The following KIF2A variants were observed in gnomAD, a reference collection of about 807,000 sequenced individuals.
KIF2A encodes the protein kinesin family member 2A.
KIF2A carries 22 observed loss-of-function variants against 100.2 expected under a neutral mutation model. The observed-to-expected ratio is 0.22, with a 90% CI of 0.16 to 0.31. The LOEUF (loss-of-function observed/expected upper bound fraction) is 0.31. Ranked by LOEUF, KIF2A falls within the 10% of genes least tolerant of loss-of-function variation. The probability of loss-of-function intolerance (pLI) is 1.00; values close to 1 mark genes in which losing one functional copy is unlikely to be tolerated. For missense variants in KIF2A, 495 were observed against 898.7 expected (o/e 0.55, Z 5.74); for synonymous variants, 268 against 285.9 (o/e 0.94, Z 0.63).
intron 19 of KIF2A, 64 bp downstream of exon 19, chr5:62,377,826 TC>T: frequency 2.3e-6 from 2 of 879,928 alleles, no homozygotes; most frequent in East Asian, 2.7e-5. Flanking sequence ...TTGTCATAAT[TC>T]CTTAAATATC....
chr5:62,362,482 A>C lies in KIF2A; in HGVS notation c.1060A>C (p.Asn354His). ...RDVFLMLKKP[N>H]YKKLELQVYA... ...TGTCTTTTTAATGCTAAAGAAGCCAAACTATAAGAAGCTAGAACTTCAAGT... is the reference window on the plus strand; with the variant it reads ...TGTCTTTTTAATGCTAAAGAAGCCACACTATAAGAAGCTAGAACTTCAAGT... The change falls in exon 12 of 21, where the codon AAC (asparagine) becomes CAC (histidine). Residue 354 changes from asparagine to histidine, a missense_variant. Asn to His is a moderately conservative substitution (Grantham distance 68, BLOSUM62 1). Around this residue, in one of 10 missense-constraint regions of KIF2A, gnomAD observed 22 missense variants for 19.3 expected, o/e 1.14. Transcript: ENST00000407818. 6.8e-7 allele frequency: 1 copy of C among 1,465,106 alleles called. No homozygotes were observed. Among genetic ancestry groups the C allele is most frequent in the East Asian group, 2.7e-5 (1 of 37,454 alleles). 90.8% of individuals were successfully genotyped at this position (1,465,106 alleles called of 1,614,324 possible). A position where few individuals can be genotyped will look rare whatever the true frequency, so the allele number is the denominator to read the frequency against.
Position 62,352,597 on chromosome 5 carries a change from C to T in KIF2A, c.344C>T (p.Ser115Leu). 1 of 1,569,538 alleles carries T rather than the reference C, an allele frequency of 6.4e-7. No individual in the cohort carries two copies. The highest frequency in any genetic ancestry group is 1.2e-5 in the South Asian group (1 of 85,754). The change falls in exon 5 of 21, where the codon TCA (serine) becomes TTA (leucine). Residue 115 changes from serine (S) to leucine (L), a missense_variant. Ser to Leu is a moderately radical substitution (Grantham distance 145). Transcript: ENST00000407818. ...TTTTTTTTACTTACAGTGGTTGGTT[C>T]AGCACGTGCACGGCCCAGTCAATTT... ...PPSRDNRVVG[S>L]ARARPSQFPE...
At chr5:62,365,856 C>CT (rs2111966393) in intron 15 of KIF2A, among the ~76,000 whole-genome samples, 1 of 152,150 alleles carries the variant, frequency 6.6e-6, no homozygotes, top group South Asian at 2.1e-4. Flanking sequence ...TATAGTTTGC[C>CT]TTGTATAATA....
chr5:62,362,969 G>A (rs1206224005), intron 12 of KIF2A, among the ~76,000 whole-genome samples: 1 of 152,082 alleles, frequency 6.6e-6, no homozygotes, highest in African/African-American at 2.4e-5. Context: ...TGCGACTATA[G>A]GCATGCACCA....
At chr5:62,385,067 A>G (rs1447273859) in intron 20 of KIF2A, among the ~76,000 whole-genome samples, 2 of 151,940 alleles carry the variant, frequency 1.3e-5, no homozygotes, top group African/African-American at 4.8e-5. Flanking sequence ...GCTTGAACCC[A>G]TGAGGTGGAG....
intron 1 of KIF2A, chr5:62,308,462 A>G: frequency 1.1e-6 from 1 of 885,534 alleles, no homozygotes; most frequent in Non-Finnish European, 1.8e-6. Context: ...TCATTGCAGC[A>G]TTATTCACAG....
At chr5:62,383,246 T>A (rs1741865673) in intron 20 of KIF2A, among the ~76,000 whole-genome samples, 1 of 121,824 alleles carries the variant, frequency 8.2e-6, no homozygotes, top group African/African-American at 3.2e-5. Context: ...TTTTTTTTTT[T>A]TTTTTTTTTT....
At chr5:62,326,945 C>T (rs1046815050) in intron 1 of KIF2A, among the ~76,000 whole-genome samples, 3 of 152,068 alleles carry the variant, frequency 2.0e-5, no homozygotes, top group South Asian at 2.1e-4. Flanking sequence ...TGCAGTGAGC[C>T]GAGATCCAGC....
Position 62,389,485 on chromosome 5 carries a change from C to CAAAAAAAAAAAAAAAAAAAAAAAAAAA in KIF2A, c.*3932_*3933insAAAAAAAAAAAAAAAAAAAAAAAAAAA, listed in dbSNP as rs775533413. Among the ~76,000 whole-genome samples the CAAAAAAAAAAAAAAAAAAAAAAAAAAA allele has an allele frequency of 1.3e-5, 1 of 75,916 alleles. No homozygotes were observed. The highest frequency in any genetic ancestry group is 5.7e-5 in the African/African-American group (1 of 17,544). The allele number at this position is 75,916 out of a possible 152,430, so 49.8% of individuals were successfully genotyped here. A position where few individuals can be genotyped will look rare whatever the true frequency, so the allele number is the denominator to read the frequency against. On this transcript the variant is annotated 3_prime_UTR_variant, in exon 21 of 21. Coordinates refer to ENST00000407818, the MANE Select transcript of KIF2A (RefSeq NM_001098511.3). ...TGGGTGACAGAGCAAGACTCTGTCTCAAAAAAAAAAAAAAAAGAAATGTTA... is the reference window on the plus strand; with the variant it reads ...TGGGTGACAGAGCAAGACTCTGTCTCAAAAAAAAAAAAAAAAAAAAAAAAAAAAAAAAAAAAAAAAAAAGAAATGTTA...
In KIF2A at chr5:62,357,786, C is replaced by G. The variant is rs371403370; in HGVS notation, c.709+41C>G. 38 of 1,168,006 alleles carry G rather than the reference C, an allele frequency of 3.3e-5. No individual in the cohort carries two copies. The African/African-American group carries it at 5.9e-4, about 18-fold the overall frequency. 72.4% of individuals were successfully genotyped at this position (1,168,006 alleles called of 1,614,324 possible). On this transcript the variant is annotated intron_variant, in intron 8 of 20. Coordinates refer to ENST00000407818, the MANE Select transcript of KIF2A (RefSeq NM_001098511.3). ...AGCTCTAATAAAAGATTGATTTTATCTTATTTGTAATGTATTTTTATAATA... is the reference window on the plus strand; with the variant it reads ...AGCTCTAATAAAAGATTGATTTTATGTTATTTGTAATGTATTTTTATAATA...
intron 1 of KIF2A, among the ~76,000 whole-genome samples, chr5:62,335,744 A>T (rs757532783): frequency 3.9e-5 from 6 of 152,196 alleles, no homozygotes; most frequent in Non-Finnish European, 7.3e-5. Context: ...ATATTTTAAT[A>T]AAAAATTGAG....
At chr5:62,325,244 C>G (rs989708229) in intron 1 of KIF2A, among the ~76,000 whole-genome samples, 8 of 152,024 alleles carry the variant, frequency 5.3e-5, no homozygotes, top group African/African-American at 1.9e-4. Context: ...CTGCCTCAGC[C>G]TCCTGAGTAG....
rs1747771943 is a variant in KIF2A, at chr5:62,350,048, C to T, written c.280-18C>T. On this transcript the variant is annotated intron_variant, in intron 3 of 20. Coordinates refer to ENST00000407818, the MANE Select transcript of KIF2A (RefSeq NM_001098511.3). ...GAGTAAAGATAGAAAACATAATGAA[C>T]ATTTTTTCCTTTCATAGAATCGACG... The T allele has an allele frequency of 6.4e-7, 1 of 1,552,412 alleles. No homozygotes were observed. Among genetic ancestry groups the T allele is most frequent in the Non-Finnish European group, 8.8e-7 (1 of 1,137,646 alleles).
At chr5:62,349,327 A>G (rs1747730875) in intron 3 of KIF2A, among the ~76,000 whole-genome samples, 1 of 151,724 alleles carries the variant, frequency 6.6e-6, no homozygotes, top group South Asian at 2.1e-4. Flanking sequence ...TTAAAGTATT[A>G]AAATAAATCA....
chr5:62,316,057 G>A (rs1193155482), intron 1 of KIF2A, among the ~76,000 whole-genome samples: 2 of 152,186 alleles, frequency 1.3e-5, no homozygotes, highest in Non-Finnish European at 2.9e-5. Flanking sequence ...ATACAGTGTA[G>A]AGGACTGTAG....
At chr5:62,341,768 G>C (rs554089104) in intron 1 of KIF2A, among the ~76,000 whole-genome samples, 1 of 151,982 alleles carries the variant, frequency 6.6e-6, no homozygotes, top group Non-Finnish European at 1.5e-5. Context: ...TTGCCTAGAA[G>C]GGTGGGAATA....
At position 62,348,175 on chromosome 5, in the gene KIF2A, A is replaced by G; in HGVS notation, c.279+8A>G. 1.2e-6 allele frequency: 2 copies of G among 1,613,370 alleles called. No homozygotes were observed. Among genetic ancestry groups the G allele is most frequent in the Non-Finnish European group, 1.7e-6 (2 of 1,179,532 alleles). On this transcript the variant is annotated splice_region_variant and intron_variant, in intron 3 of 20. Coordinates refer to ENST00000407818, the MANE Select transcript of KIF2A (RefSeq NM_001098511.3). ...GTAAACAAAATTGTAAAGGTTAGTG[A>G]TGAAAATTCAGAGTGCAGGACACTG...
chr5:62,355,896 C>T (rs1277487493), intron 7 of KIF2A, among the ~76,000 whole-genome samples: 1 of 151,044 alleles, frequency 6.6e-6, no homozygotes, highest in Non-Finnish European at 1.5e-5. Context: ...ATTCTCCTGT[C>T]TCAGCTTCCC....
At chr5:62,345,588 A>G (rs1009839971) in intron 1 of KIF2A, among the ~76,000 whole-genome samples, 1 of 152,192 alleles carries the variant, frequency 6.6e-6, no homozygotes, top group Non-Finnish European at 1.5e-5. Flanking sequence ...CCCTGAGCCC[A>G]GGAGTTTGAG....
Sources: allele counts gnomAD v4.1 joint callset (sites outside exome capture counted in the v4.1 genomes callset), GRCh38; gene constraint gnomAD v4.1.1; regional missense constraint gnomAD v4.1.1; transcripts MANE v1.5; gene names NCBI Gene and HGNC (gene_info 2026-07-23, HGNC 2026-07-21).